The following MIGA2 variants were observed in gnomAD, a reference collection of about 807,000 sequenced individuals.
MIGA2 encodes the protein family with sequence similarity 73, member B.
A neutral mutation model predicts 69.9 loss-of-function variants in MIGA2; 36 were observed. That is an observed-to-expected ratio of 0.52 (90% CI 0.39 to 0.68). The LOEUF is 0.68. Among genes scored for constraint, MIGA2 ranks in the 30% least tolerant of loss-of-function variants. MIGA2 has a pLI of 0.00. For synonymous variants in MIGA2, 333 were observed against 349.2 expected (o/e 0.95, Z 0.52); for missense variants, 660 against 787.7 (o/e 0.84, Z 1.94).
At chr9:129,049,785 G>C in intron 5 of MIGA2, 42 bp from the exon 6 acceptor site, 2 of 1,612,470 alleles carry the variant, frequency 1.2e-6, no homozygotes, top group Non-Finnish European at 1.7e-6. Context: ...GGGTGAGACT[G>C]TGGAGGTGCT....
rs759790898 is a variant in MIGA2, at chr9:129,061,761, C to G, written c.1010+415C>G. Among the ~76,000 whole-genome samples, 3 of 152,126 alleles carry G rather than the reference C, an allele frequency of 2.0e-5. No homozygotes were observed. Among genetic ancestry groups the G allele is most frequent in the African/African-American group, 7.2e-5 (3 of 41,416 alleles). On this transcript the variant is annotated intron_variant, in intron 9 of 15. Coordinates refer to ENST00000684074, the MANE Select transcript of MIGA2 (RefSeq NM_001329990.2). The surrounding 1 kb of genome is among the most constrained non-coding windows in gnomAD (Gnocchi z 5.0). The stretch of plus-strand genomic sequence containing the variant: ...AAAAGTAAATTCTCAGCGGGTACAG[C>G]CACAGCCACACAGGGGGCACTGGTC...
At chr9:129,037,246 G>A (rs1564595797) in intron 1 of MIGA2, among the ~76,000 whole-genome samples, 1 of 152,156 alleles carries the variant, frequency 6.6e-6, no homozygotes, top group Non-Finnish European at 1.5e-5. Flanking sequence ...GACGGAATGA[G>A]TGAGTGCACA....
Position 129,068,584 on chromosome 9 carries a change from T to A in MIGA2, c.1404+252T>A. On this transcript the variant is annotated intron_variant, in intron 13 of 15. Coordinates refer to ENST00000684074, the MANE Select transcript of MIGA2 (RefSeq NM_001329990.2). This position sits in a 1 kb window ranked among gnomAD's most constrained non-coding sequence, Gnocchi z 4.1. ...CTATTGTGTGGTTTTACTTTTGTGC[T>A]GGTATGAATTCGATTCCATTTTAAT... The A allele has an allele frequency of 1.9e-6, 1 of 513,560 alleles. No homozygotes were observed. The highest frequency in any genetic ancestry group is 3.5e-6 in the Non-Finnish European group (1 of 287,554). 31.8% of individuals were successfully genotyped at this position (513,560 alleles called of 1,614,324 possible).
In MIGA2 at chr9:129,057,901, C is replaced by T. The variant is rs568708322; in HGVS notation, c.676-1253C>T. On this transcript the variant is annotated intron_variant, in intron 6 of 15. Coordinates refer to ENST00000684074, the MANE Select transcript of MIGA2 (RefSeq NM_001329990.2). ...GATTATAGGTGTGAGCCACCTCACCCGGTCCATTTTTCTTCTTTATGATTT... is the reference window on the plus strand; with the variant it reads ...GATTATAGGTGTGAGCCACCTCACCTGGTCCATTTTTCTTCTTTATGATTT... Among the ~76,000 whole-genome samples the T allele has an allele frequency of 9.2e-5, 14 of 152,122 alleles. No homozygotes were observed. The East Asian group carries it at 2.5e-3, about 27-fold the overall frequency.
rs145200510 is a variant in MIGA2, at chr9:129,060,275, G to T, written c.794-275G>T. Among the ~76,000 whole-genome samples, 45 of 152,306 alleles carry T rather than the reference G, an allele frequency of 3.0e-4. No homozygotes were observed. In the East Asian group the frequency reaches 5.8e-3, roughly 20 times the overall value. On this transcript the variant is annotated intron_variant, in intron 7 of 15. Transcript: ENST00000684074. This position sits in a 1 kb window ranked among gnomAD's most constrained non-coding sequence, Gnocchi z 4.8. ...TCAGGTCCAGCGGTGCAACCTGTGA[G>T]CCTGGCAGAGCCGCTCACCAGCCGA...
At position 129,061,330 on chromosome 9, in the gene MIGA2, C is replaced by G; in HGVS notation, c.994C>G (p.Pro332Ala). 6.2e-7 allele frequency: 1 copy of G among 1,611,508 alleles called. No individual in the cohort carries two copies. The highest frequency in any genetic ancestry group is 8.5e-7 in the Non-Finnish European group (1 of 1,179,478). ...GCAGCTGGTGAAGGAGGGGAGAGTG[C>G]CTTGCCGGACCCTCAGGTGAGCAGG... ...ALQLVKEGRVPCRTLRTELLG... is the reference protein window; with the variant it reads ...ALQLVKEGRVACRTLRTELLG... Residue 332 changes from proline (P) to alanine (A), a missense_variant, in exon 9 of 16, where the codon CCT (proline) becomes GCT (alanine). Pro to Ala is a conservative substitution (Grantham distance 27). Around this residue, in one of 3 missense-constraint regions of MIGA2, gnomAD observed 386 missense variants for 402.0 expected, o/e 0.96. Transcript: ENST00000684074. The surrounding 1 kb of genome is among the most constrained non-coding windows in gnomAD (Gnocchi z 5.0).
chr9:129,037,099 A>G (rs959657131), intron 1 of MIGA2: 128 of 978,732 alleles, frequency 1.3e-4, no homozygotes, highest in Non-Finnish European at 1.5e-4. Context: ...GCAATTTCTG[A>G]AGACGGGGAT....
Position 129,043,024 on chromosome 9 carries a change from C to A in MIGA2, c.307+510C>A, listed in dbSNP as rs565569196. Among the ~76,000 whole-genome samples, 5 of 152,220 alleles carry A rather than the reference C, an allele frequency of 3.3e-5. No homozygotes were observed. The South Asian group carries it at 1.0e-3, about 32-fold the overall frequency. On this transcript the variant is annotated intron_variant, in intron 3 of 15. Transcript: ENST00000684074. The stretch of plus-strand genomic sequence containing the variant: ...CCTGAATAACACGGTGAAACCCCGT[C>A]TCTACTAAAAATACAAAAAATTAGC...
Position 129,069,449 on chromosome 9 carries a change from C to T in MIGA2, c.1458+320C>T. On this transcript the variant is annotated intron_variant, in intron 14 of 15. Transcript: ENST00000684074. This position sits in a 1 kb window ranked among gnomAD's most constrained non-coding sequence, Gnocchi z 4.9. Reference sequence around the variant, plus strand: ...GCAGGATACCCAGGAGCAAGCAGAGCCCTGTCCCTCCTGCCCTTTCCCCGC... The same window carrying T: ...GCAGGATACCCAGGAGCAAGCAGAGTCCTGTCCCTCCTGCCCTTTCCCCGC... 4 of 531,942 alleles carry T rather than the reference C, an allele frequency of 7.5e-6. No individual in the cohort carries two copies. Among genetic ancestry groups the T allele is most frequent in the Non-Finnish European group, 1.4e-5 (4 of 294,252 alleles). 33.0% of individuals were successfully genotyped at this position (531,942 alleles called of 1,614,324 possible). A position where few individuals can be genotyped will look rare whatever the true frequency, so the allele number is the denominator to read the frequency against.
At chr9:129,039,121 A>G (rs901463046) in intron 1 of MIGA2, among the ~76,000 whole-genome samples, 9 of 150,766 alleles carry the variant, frequency 6.0e-5, no homozygotes, top group African/African-American at 2.2e-4. Context: ...ATTCAGTGAG[A>G]TGATGGATGT....
Position 129,060,545 on chromosome 9 carries a change from C to A in MIGA2, c.794-5C>A. 6.3e-7 allele frequency: 1 copy of A among 1,587,426 alleles called. No homozygotes were observed. The highest frequency in any genetic ancestry group is 8.6e-7 in the Non-Finnish European group (1 of 1,166,096). The stretch of plus-strand genomic sequence containing the variant: ...AGCCCCGCTTTCTCTCACTGCTCTT[C>A]CCAGAGAGGACCCTCATGCTGCCCC... On this transcript the variant is annotated splice_polypyrimidine_tract_variant and splice_region_variant and intron_variant, in intron 7 of 15. Transcript: ENST00000684074. This position sits in a 1 kb window ranked among gnomAD's most constrained non-coding sequence, Gnocchi z 4.8.
chr9:129,059,922 C>G lies in MIGA2; in HGVS notation c.794-628C>G, dbSNP rs147838126. ...CGCACCCTGCCCTGGCTTCTCCCCA[C>G]GTGCTCTGGGTGTGGTTTCTCTGTT... On this transcript the variant is annotated intron_variant, in intron 7 of 15. Coordinates refer to ENST00000684074, the MANE Select transcript of MIGA2 (RefSeq NM_001329990.2). This position sits in a 1 kb window ranked among gnomAD's most constrained non-coding sequence, Gnocchi z 5.6. 6.6e-6 allele frequency among the ~76,000 whole-genome samples: 1 copy of G among 152,154 alleles called. No individual in the cohort carries two copies.
intron 3 of MIGA2, among the ~76,000 whole-genome samples, chr9:129,046,838 G>C (rs1845250548): frequency 1.3e-5 from 2 of 151,606 alleles, no homozygotes; most frequent in South Asian, 4.2e-4. Context: ...GAATGCAGTG[G>C]CACAATTTCA....
At chr9:129,045,771 T>A (rs1303866184) in intron 3 of MIGA2, among the ~76,000 whole-genome samples, 4 of 151,662 alleles carry the variant, frequency 2.6e-5, no homozygotes, top group African/African-American at 9.7e-5. Flanking sequence ...AAAAGTCTCC[T>A]GTGAAAATAA....
At chr9:129,064,368 G>A (rs914057078) in intron 11 of MIGA2, among the ~76,000 whole-genome samples, 19 of 151,852 alleles carry the variant, frequency 1.3e-4, no homozygotes, top group Admixed American at 6.6e-4. Context: ...CACCGTGCCC[G>A]GCTAATTTTT....
chr9:129,048,496 T>C lies in MIGA2; in HGVS notation c.377T>C (p.Ile126Thr), dbSNP rs775761804. ...GACACCCTGAGTGGCATCTCTTCCA[T>C]TGAGCCCAGCAAGCACTCGGGCTCC... ...SNDTLSGISSIEPSKHSGSSH... is the reference protein window; with the variant it reads ...SNDTLSGISSTEPSKHSGSSH... Residue 126 changes from isoleucine (I) to threonine (T), a missense_variant, in exon 4 of 16, where the codon ATT becomes ACT. Ile to Thr is a moderately conservative substitution (Grantham distance 89). Transcript: ENST00000684074. The C allele has an allele frequency of 1.3e-5, 21 of 1,613,940 alleles. No homozygotes were observed. The highest frequency in any genetic ancestry group is 1.2e-4 in the South Asian group (11 of 91,090).
rs968021345 is a variant in MIGA2 at position 129,059,122 on chromosome 9, G to T, written c.676-32G>T. On this transcript the variant is annotated intron_variant, in intron 6 of 15. Coordinates refer to ENST00000684074, the MANE Select transcript of MIGA2 (RefSeq NM_001329990.2). This position sits in a 1 kb window ranked among gnomAD's most constrained non-coding sequence, Gnocchi z 5.6. ...GCCATTTTCATCGGGAGCTTTGAGG[G>T]TCTGGGTTGAGGGTCCTTGTTTTTA... 3.1e-6 allele frequency: 5 copies of T among 1,598,794 alleles called. No homozygotes were observed. The highest frequency in any genetic ancestry group is 3.4e-6 in the Non-Finnish European group (4 of 1,166,934).
chr9:129,038,789 CTTTTTTTTTT>C (rs869238538), intron 1 of MIGA2, among the ~76,000 whole-genome samples: 4 of 89,074 alleles, frequency 4.5e-5, no homozygotes, highest in African/African-American at 1.5e-4. Flanking sequence ...TTTTGTTTGT[CTTTTTTTTTT>C]TTTTTTTTTT....
rs140516710 is a variant in MIGA2, at chr9:129,065,283, G to C, written c.1170+1652G>C. Among the ~76,000 whole-genome samples the C allele has an allele frequency of 1.9e-3, 282 of 151,902 alleles. 2 individuals are homozygous for C. The highest frequency in any genetic ancestry group is 6.6e-3 in the African/African-American group (274 of 41,428). On this transcript the variant is annotated intron_variant, in intron 11 of 15. Coordinates refer to ENST00000684074, the MANE Select transcript of MIGA2 (RefSeq NM_001329990.2). ...CCACTGCTCTCCAGCCTGGCCAACA[G>C]AGTGAGACCCTGTCTCAAAAAATAA...
Sources: gnomAD v4.1 joint callset for allele counts (sites outside exome capture counted in the v4.1 genomes callset) on GRCh38, gnomAD v4.1.1 for gene constraint, gnomAD v4.1.1 regional missense constraint, Gnocchi (gnomAD v3.1) non-coding constraint, MANE v1.5 for transcripts, NCBI Gene and HGNC (gene_info 2026-07-23, HGNC 2026-07-21) for gene names.